Variants in KCNMA1 observed in about 807,000 individuals in gnomAD.
KCNMA1 encodes Calcium-activated potassium channel subunit alpha-1.
Under a neutral mutation model 140.0 loss-of-function variants are expected in KCNMA1, and 29 were observed. The ratio of observed to expected loss-of-function variants is 0.21; its 90% CI spans 0.15 to 0.28. The LOEUF is 0.28. Among genes scored for constraint, KCNMA1 ranks in the 10% least tolerant of loss-of-function variants. The pLI, the probability that KCNMA1 is intolerant of heterozygous loss-of-function variation, is 1.00. For missense variants in KCNMA1, 880 were observed against 1,602.2 expected (o/e 0.55, Z 7.70); for synonymous variants, 612 against 611.9 (o/e 1.00, Z 0.00).
chr10:77,286,524 A>G (rs2070906569), intron 2 of KCNMA1, among the ~76,000 whole-genome samples: 1 of 152,170 alleles, frequency 6.6e-6, no homozygotes, highest in African/African-American at 2.4e-5. Context: ...AGTGATTTCC[A>G]TTGTAGTTTA....
chr10:77,456,675 G>T (rs536792349), intron 1 of KCNMA1, among the ~76,000 whole-genome samples: 32 of 152,192 alleles, frequency 2.1e-4, no homozygotes, highest in African/African-American at 7.7e-4. Flanking sequence ...ACTATGTGGC[G>T]CATCTAGACC....
Position 77,021,825 on chromosome 10 carries a change from A to T in KCNMA1, c.1929-2726T>A, listed in dbSNP as rs1907735. Among the ~76,000 whole-genome samples, 1,347 of 152,308 alleles carry T rather than the reference A, an allele frequency of 8.8e-3. 13 individuals are homozygous for T. Among genetic ancestry groups the T allele is most frequent in the Non-Finnish European group, 0.013 (915 of 68,026 alleles). On this transcript the variant is annotated intron_variant, in intron 16 of 27. Transcript: ENST00000286628. ...GGCTAAGGCAGCCTTCTGGGTGGGA[A>T]TCTAAAGAATGGATCCAGTCCTTGA...
chr10:77,175,370 C>T (rs899255967), intron 5 of KCNMA1, among the ~76,000 whole-genome samples: 2 of 152,194 alleles, frequency 1.3e-5, no homozygotes, highest in Non-Finnish European at 2.9e-5. Flanking sequence ...CTGTGAGATG[C>T]TGGGCATAGT....
chr10:77,242,932 A>ACACACACACACG (rs1320432487), intron 3 of KCNMA1, among the ~76,000 whole-genome samples: 6 of 151,714 alleles, frequency 4.0e-5, no homozygotes, highest in African/African-American at 1.5e-4. Context: ...ACACACACAC[A>ACACACACACACG]CACACACAGA....
chr10:77,520,160 A>AGG (rs1567298029), intron 1 of KCNMA1, among the ~76,000 whole-genome samples: 15 of 2,188 alleles, frequency 6.9e-3, no homozygotes, highest in Non-Finnish European at 7.9e-3. Context: ...GAGGTCTGGC[A>AGG]TATGCAGTGT....
chr10:76,881,738 G>A (rs1455017505), downstream of KCNMA1, among the ~76,000 whole-genome samples: 1 of 152,174 alleles, frequency 6.6e-6, no homozygotes, highest in African/African-American at 2.4e-5. Context: ...CAGAGATTCT[G>A]GGGGTAGAGA....
At chr10:76,896,052 T>A (rs1005527882) in intron 25 of KCNMA1, among the ~76,000 whole-genome samples, 3 of 152,068 alleles carry the variant, frequency 2.0e-5, no homozygotes, top group Non-Finnish European at 4.4e-5. Context: ...CTTAACAGGG[T>A]TCAAGAGCAG....
chr10:77,238,883 G>T (rs982462333), intron 3 of KCNMA1, among the ~76,000 whole-genome samples: 8 of 152,260 alleles, frequency 5.3e-5, no homozygotes, highest in African/African-American at 1.9e-4. Context: ...ATGGGTGTTT[G>T]ACCCACAAAA....
intron 16 of KCNMA1, among the ~76,000 whole-genome samples, chr10:77,026,758 A>C (rs1347116047): frequency 6.6e-6 from 1 of 152,132 alleles, no homozygotes; most frequent in African/African-American, 2.4e-5. Flanking sequence ...CATTGGATTG[A>C]TCTGTTTACA....
chr10:77,636,113 TG>T, intron 1 of KCNMA1: 1 of 916,638 alleles, frequency 1.1e-6, no homozygotes, highest in Non-Finnish European at 1.5e-6. Context: ...ACTATTCCCC[TG>T]GATTTCCCTT....
Position 77,089,171 on chromosome 10 carries a change from A to T in KCNMA1, c.1334+1229T>A, listed in dbSNP as rs751562440. Among the ~76,000 whole-genome samples, 63 of 152,312 alleles carry T rather than the reference A, an allele frequency of 4.1e-4. No individual in the cohort carries two copies. The Middle Eastern group carries it at 0.01, about 25-fold the overall frequency. On this transcript the variant is annotated intron_variant, in intron 10 of 27. Coordinates refer to ENST00000286628, the MANE Select transcript of KCNMA1 (RefSeq NM_001161352.2). ...TGGAGAAATCAGTGCAGAAAAGAGAAATGTTGGTGCCCCAACATGGTGACA... is the reference window on the plus strand; with the variant it reads ...TGGAGAAATCAGTGCAGAAAAGAGATATGTTGGTGCCCCAACATGGTGACA...
In KCNMA1 at chr10:77,629,873, T is replaced by C. The variant is rs963088358; in HGVS notation, c.378+7392A>G. On this transcript the variant is annotated intron_variant, in intron 1 of 27. Transcript: ENST00000286628. ...AGGCCGCCACGATGCTAGGTCCTTC[T>C]TCATTCTGCCTGCTGCAGACACTCA... 5.9e-5 allele frequency among the ~76,000 whole-genome samples: 9 copies of C among 152,216 alleles called. 1 individual carries two copies. Among genetic ancestry groups the C allele is most frequent in the Admixed American group, 4.6e-4 (7 of 15,282 alleles).
At chr10:76,969,019 C>T (rs2075057415) in intron 20 of KCNMA1, among the ~76,000 whole-genome samples, 2 of 152,030 alleles carry the variant, frequency 1.3e-5, no homozygotes, top group Admixed American at 6.6e-5. Context: ...GCAGAAACCA[C>T]ATAGGGTGAG....
At chr10:77,116,586 C>T (rs926122049) in intron 6 of KCNMA1, among the ~76,000 whole-genome samples, 2 of 151,950 alleles carry the variant, frequency 1.3e-5, no homozygotes, top group South Asian at 2.1e-4. Context: ...GTAAAATACC[C>T]ACCCCCTAAA....
intron 4 of KCNMA1, among the ~76,000 whole-genome samples, chr10:77,184,024 T>C (rs1468495298): frequency 6.6e-6 from 1 of 151,934 alleles, no homozygotes; most frequent in Non-Finnish European, 1.5e-5. Flanking sequence ...GACTCATTCA[T>C]GTAAATATAA....
At chr10:76,872,979 A>T (rs1256960494), downstream of KCNMA1, 1 of 152,134 alleles carries the variant, frequency 6.6e-6, no homozygotes, top group African/African-American at 2.4e-5. Context: ...GATTAAAAAA[A>T]TATGCCAAAA....
intron 1 of KCNMA1, among the ~76,000 whole-genome samples, chr10:77,419,201 G>T (rs904090632): frequency 1.3e-5 from 2 of 152,136 alleles, no homozygotes; most frequent in African/African-American, 4.8e-5. Flanking sequence ...TTACATCTCA[G>T]AAGTCTCTTA....
At chr10:77,490,701 G>A (rs1258039715) in intron 1 of KCNMA1, among the ~76,000 whole-genome samples, 1 of 152,178 alleles carries the variant, frequency 6.6e-6, no homozygotes, top group Non-Finnish European at 1.5e-5. Context: ...GACTCTGCCT[G>A]TGCTCTTTCC....
chr10:77,463,397 A>G (rs567235194), intron 1 of KCNMA1, among the ~76,000 whole-genome samples: 2 of 152,242 alleles, frequency 1.3e-5, no homozygotes, highest in African/African-American at 4.8e-5. Context: ...TTGCCTCCTA[A>G]ATACCAAGGA....
Sources: gnomAD v4.1 joint callset for allele counts (sites outside exome capture counted in the v4.1 genomes callset) on GRCh38, gnomAD v4.1.1 for gene constraint, MANE v1.5 for transcripts, NCBI Gene and HGNC (gene_info 2026-07-23, HGNC 2026-07-21) for gene names.